The following ELMO1 variants were observed in gnomAD, a reference collection of about 807,000 sequenced individuals.
The protein encoded by ELMO1 is engulfment and cell motility 1.
In ELMO1, 26 loss-of-function variants were observed where a neutral mutation model predicts 98.9. The observed-to-expected ratio is 0.26, with a 90% CI of 0.19 to 0.36. The LOEUF is 0.36. Ranked by LOEUF, ELMO1 falls within the 10% of genes least tolerant of loss-of-function variation. The probability of loss-of-function intolerance (pLI) is 1.00; values close to 1 mark genes in which losing one functional copy is unlikely to be tolerated. For missense variants in ELMO1, 627 were observed against 935.2 expected (o/e 0.67, Z 4.30); for synonymous variants, 346 against 346.0 (o/e 1.00, Z 0.00).
At chr7:36,981,071 C>T (rs1791008202) in intron 16 of ELMO1, among the ~76,000 whole-genome samples, 1 of 151,040 alleles carries the variant, frequency 6.6e-6, no homozygotes, top group Non-Finnish European at 1.5e-5. Flanking sequence ...TATTTAATCA[C>T]ATGGATTTTT....
intron 14 of ELMO1, among the ~76,000 whole-genome samples, chr7:37,100,023 G>T (rs932806834): frequency 6.6e-6 from 1 of 151,992 alleles, no homozygotes; most frequent in South Asian, 2.1e-4. Context: ...TAGTAGAGAC[G>T]GGGTTTCACC....
At chr7:37,231,728 G>A (rs1023008779) in intron 8 of ELMO1, among the ~76,000 whole-genome samples, 6 of 152,222 alleles carry the variant, frequency 3.9e-5, no homozygotes, top group Admixed American at 1.3e-4. Context: ...TAGAAAAACA[G>A]GTGAAATCAA....
chr7:36,944,620 TGAG>T (rs1193895401), intron 16 of ELMO1, among the ~76,000 whole-genome samples: 1 of 152,212 alleles, frequency 6.6e-6, no homozygotes, highest in African/African-American at 2.4e-5. Flanking sequence ...TCTTCCCCAA[TGAG>T]GAGATCAGTT....
chr7:37,197,212 C>T (rs1240098269), intron 13 of ELMO1: 2 of 152,226 alleles, frequency 1.3e-5, no homozygotes, highest in African/African-American at 2.4e-5. Context: ...CTCTTTCTCT[C>T]GTCTTCAGAA....
chr7:36,912,813 T>C (rs78289405), intron 16 of ELMO1, among the ~76,000 whole-genome samples: 1 of 152,234 alleles, frequency 6.6e-6, no homozygotes, highest in African/African-American at 2.4e-5. Flanking sequence ...GCCTCAAGCA[T>C]AGTTACGAAT....
intron 6 of ELMO1, among the ~76,000 whole-genome samples, chr7:37,252,299 G>A (rs1795393360): frequency 6.6e-6 from 1 of 152,116 alleles, no homozygotes; most frequent in African/African-American, 2.4e-5. Context: ...AAAGAACAAA[G>A]CTGGAGGCAT....
intron 6 of ELMO1, 66 bp from the exon 7 acceptor site, chr7:37,244,457 A>C (rs1023708111): frequency 3.2e-6 from 5 of 1,539,626 alleles, no homozygotes; most frequent in Admixed American, 1.8e-5. Context: ...CACAAAGAAC[A>C]TATCTTGAAG....
chr7:37,172,043 A>G (rs1302377489), intron 13 of ELMO1, among the ~76,000 whole-genome samples: 1 of 152,234 alleles, frequency 6.6e-6, no homozygotes, highest in Non-Finnish European at 1.5e-5. Context: ...TTGACATTTA[A>G]AAGATACAAG....
intron 4 of ELMO1, among the ~76,000 whole-genome samples, chr7:37,276,058 GAC>G (rs1796814181): frequency 1.3e-5 from 2 of 152,172 alleles, no homozygotes; most frequent in South Asian, 4.1e-4. Context: ...ACCCAGACTG[GAC>G]ACACATTTCA....
At chr7:37,105,142 C>T (rs975979852) in intron 14 of ELMO1, among the ~76,000 whole-genome samples, 1 of 152,220 alleles carries the variant, frequency 6.6e-6, no homozygotes, top group Non-Finnish European at 1.5e-5. Flanking sequence ...AAAAGCAGGA[C>T]GCGCAAAACA....
intron 13 of ELMO1, among the ~76,000 whole-genome samples, chr7:37,163,086 C>T (rs1390325003): frequency 3.3e-5 from 5 of 152,186 alleles, no homozygotes; most frequent in African/African-American, 1.2e-4. Context: ...TAATTCTACA[C>T]ATTTCAAAGA....
chr7:36,956,512 A>G (rs562804974), intron 16 of ELMO1, among the ~76,000 whole-genome samples: 1 of 152,376 alleles, frequency 6.6e-6, no homozygotes, highest in East Asian at 1.9e-4. Context: ...ATATGTTTGT[A>G]AAGGACAATT....
intron 1 of ELMO1, among the ~76,000 whole-genome samples, chr7:37,440,639 G>C (rs1160095349): frequency 6.6e-6 from 1 of 151,610 alleles, no homozygotes. Context: ...CATGGTGGTG[G>C]GCATCTGTAA....
intron 16 of ELMO1, among the ~76,000 whole-genome samples, chr7:36,973,642 C>T (rs1260592784): frequency 6.6e-6 from 1 of 152,192 alleles, no homozygotes; most frequent in African/African-American, 2.4e-5. Flanking sequence ...CCCACTTTGG[C>T]GGCACTTGAG....
At chr7:37,380,483 C>G (rs1295349027) in intron 1 of ELMO1, among the ~76,000 whole-genome samples, 1 of 152,176 alleles carries the variant, frequency 6.6e-6, no homozygotes, top group East Asian at 1.9e-4. Context: ...ACCCAGTTTG[C>G]TTGACATAGC....
rs1794558239 is a variant in ELMO1 at position 37,026,077 on chromosome 7, C to T, written c.1301-12642G>A. On this transcript the variant is annotated intron_variant, in intron 15 of 21. Coordinates refer to ENST00000310758, the MANE Select transcript of ELMO1 (RefSeq NM_014800.11). ...ATATGCAAGAAGTGATTTCTGCATA[C>T]CCTTGTTAAAACTTTCTTTACGAGG... Among the ~76,000 whole-genome samples the T allele has an allele frequency of 2.6e-5, 4 of 152,106 alleles. No individual in the cohort carries two copies. In the South Asian group the frequency reaches 8.3e-4, roughly 32 times the overall value.
intron 6 of ELMO1, among the ~76,000 whole-genome samples, chr7:37,254,113 T>C (rs1416249230): frequency 1.3e-5 from 2 of 152,190 alleles, no homozygotes; most frequent in African/African-American, 4.8e-5. Context: ...CCTCTGAGCA[T>C]GAGATGCAGG....
In ELMO1 at chr7:37,013,455, A is replaced by T; in HGVS notation, c.1301-20T>A. On this transcript the variant is annotated intron_variant, in intron 15 of 21. Transcript: ENST00000310758. ...CACTAGCTGGAGGAAAGAGATGGAAAATAAGAGAAAAAGTTTTAAAACAGT... is the reference window on the plus strand; with the variant it reads ...CACTAGCTGGAGGAAAGAGATGGAATATAAGAGAAAAAGTTTTAAAACAGT... 2 of 1,613,004 alleles carry T rather than the reference A, an allele frequency of 1.2e-6. No individual in the cohort carries two copies. The highest frequency in any genetic ancestry group is 1.7e-6 in the Non-Finnish European group (2 of 1,179,388).
chr7:37,445,879 A>C (rs958819), intron 1 of ELMO1, among the ~76,000 whole-genome samples: 47,819 of 151,962 alleles, frequency 0.31, 7,798 homozygotes, highest in East Asian at 0.53. Flanking sequence ...GGCTAAAGCA[A>C]CACAGACTTC....
Sources: gnomAD v4.1 joint callset for allele counts (sites outside exome capture counted in the v4.1 genomes callset) on GRCh38, gnomAD v4.1.1 for gene constraint, MANE v1.5 for transcripts, NCBI Gene and HGNC (gene_info 2026-07-23, HGNC 2026-07-21) for gene names.